Variants in RBM15B observed in about 807,000 individuals in gnomAD.
RBM15B encodes the protein putative RNA-binding protein 15B.
In RBM15B, 11 loss-of-function variants were observed where a neutral mutation model predicts 53.3. That is an observed-to-expected ratio of 0.21 (90% CI 0.13 to 0.34). The LOEUF is 0.34. Among genes scored for constraint, RBM15B ranks in the 10% least tolerant of loss-of-function variants. The pLI, the probability that RBM15B is intolerant of heterozygous loss-of-function variation, is 1.00. For synonymous variants in RBM15B, 631 were observed against 540.7 expected (o/e 1.17, Z -2.32); for missense variants, 1,136 against 1,250.3 (o/e 0.91, Z 1.38).
At position 51,393,750 on chromosome 3, in the gene RBM15B, A is replaced by G. The variant is rs1478831206; in HGVS notation, c.2351A>G (p.Lys784Arg). ...CTTGACGAGGTCACACGACGCATCA[A>G]GCAGGGGAGCCCCAACGGCTATGCG... is the stretch of plus-strand genomic sequence containing the variant. ...PKLDEVTRRI[K>R]QGSPNGYAVL... Residue 784 changes from lysine (K) to arginine (R), a missense_variant, in exon 1 of 1, where the codon AAG becomes AGG. By Grantham distance (26) the Lys-to-Arg change is conservative (BLOSUM62 2). Transcript: ENST00000563281. This position sits in a 1 kb window ranked among gnomAD's most constrained non-coding sequence, Gnocchi z 5.6. The G allele has an allele frequency of 6.2e-7, 1 of 1,613,872 alleles. No homozygotes were observed. The highest frequency in any genetic ancestry group is 1.3e-5 in the African/African-American group (1 of 75,064).
Position 51,395,773 on chromosome 3 carries a change from A to G in RBM15B, c.*1701A>G. On this transcript the variant is annotated 3_prime_UTR_variant, in exon 1 of 1. Transcript: ENST00000563281. ...AGAGGTCATGCTGGTCCACAGGAAC[A>G]CTTGGCAGTGCTCTCGTAGACCCCT... is the stretch of plus-strand genomic sequence containing the variant. The G allele has an allele frequency of 4.8e-6, 2 of 413,572 alleles. No homozygotes were observed. The highest frequency in any genetic ancestry group is 8.8e-6 in the Non-Finnish European group (2 of 226,166). The allele number at this position is 413,572 out of a possible 1,614,324, so 25.6% of individuals were successfully genotyped here.
At position 51,395,267 on chromosome 3, in the gene RBM15B, A is replaced by AATT. The variant is rs1449156133; in HGVS notation, c.*1197_*1199dup. On this transcript the variant is annotated 3_prime_UTR_variant, in exon 1 of 1. Coordinates refer to ENST00000563281, the MANE Select transcript of RBM15B (RefSeq NM_013286.5). Reference sequence around the variant, plus strand: ...GCCGAGGTGGAGACCATTGGGAAATAATTAATAGATATTTTTCTGGGGGGA... The same window carrying AATT: ...GCCGAGGTGGAGACCATTGGGAAATAATTATTAATAGATATTTTTCTGGGGGGA... 1.2e-5 allele frequency: 2 copies of AATT among 166,986 alleles called. No individual in the cohort carries two copies. Among genetic ancestry groups the AATT allele is most frequent in the African/African-American group, 2.4e-5 (1 of 41,392 alleles). The allele number at this position is 166,986 out of a possible 1,614,324, so 10.3% of individuals were successfully genotyped here. A position where few individuals can be genotyped will look rare whatever the true frequency, so the allele number is the denominator to read the frequency against.
In RBM15B at chr3:51,395,618, T is replaced by A. The variant is rs2089152803; in HGVS notation, c.*1546T>A. The A allele has an allele frequency of 2.2e-5, 9 of 408,376 alleles. No individual in the cohort carries two copies. The highest frequency in any genetic ancestry group is 4.0e-5 in the Non-Finnish European group (9 of 223,548). 25.3% of individuals were successfully genotyped at this position (408,376 alleles called of 1,614,324 possible). A position where few individuals can be genotyped will look rare whatever the true frequency, so the allele number is the denominator to read the frequency against. Reference sequence around the variant, plus strand: ...TCTGGTAAGCGAATGAGCCCCTAGATGATAACCAGGAACTCCAGGTTCTGC... The same window carrying A: ...TCTGGTAAGCGAATGAGCCCCTAGAAGATAACCAGGAACTCCAGGTTCTGC... On this transcript the variant is annotated 3_prime_UTR_variant, in exon 1 of 1. Coordinates refer to ENST00000563281, the MANE Select transcript of RBM15B (RefSeq NM_013286.5).
rs782371024 is a variant in RBM15B at position 51,395,971 on chromosome 3, C to T, written c.*1899C>T. On this transcript the variant is annotated 3_prime_UTR_variant, in exon 1 of 1. Coordinates refer to ENST00000563281, the MANE Select transcript of RBM15B (RefSeq NM_013286.5). Reference sequence around the variant, plus strand: ...CAAGTCAGTTGGGTACAGCAGGACACGCCACCATTCCAGGGTAGCTGGTAC... The same window carrying T: ...CAAGTCAGTTGGGTACAGCAGGACATGCCACCATTCCAGGGTAGCTGGTAC... 15 of 413,298 alleles carry T rather than the reference C, an allele frequency of 3.6e-5. No individual in the cohort carries two copies. Among genetic ancestry groups the T allele is most frequent in the Non-Finnish European group, 6.6e-5 (15 of 226,102 alleles). The allele number at this position is 413,298 out of a possible 1,614,324, so 25.6% of individuals were successfully genotyped here. A position where few individuals can be genotyped will look rare whatever the true frequency, so the allele number is the denominator to read the frequency against.
rs782634024 is a variant in RBM15B at position 51,394,081 on chromosome 3, T to TGTC, written c.*10_*12dup. On this transcript the variant is annotated 3_prime_UTR_variant, in exon 1 of 1. Transcript: ENST00000563281. ...TCAGAGACACTGCCTAGCCCAAGCC[T>TGTC]GTCTTTCCCAGCGTCATGTTTGTGT... 7.1e-7 allele frequency: 1 copy of TGTC among 1,414,684 alleles called. No individual in the cohort carries two copies. The highest frequency in any genetic ancestry group is 1.9e-5 in the South Asian group (1 of 52,112). The allele number at this position is 1,414,684 out of a possible 1,614,324, so 87.6% of individuals were successfully genotyped here. A position where few individuals can be genotyped will look rare whatever the true frequency, so the allele number is the denominator to read the frequency against.
Position 51,395,783 on chromosome 3 carries a change from G to C in RBM15B, c.*1711G>C. The stretch of plus-strand genomic sequence containing the variant: ...CTGGTCCACAGGAACACTTGGCAGT[G>C]CTCTCGTAGACCCCTCGGTGATGTG... On this transcript the variant is annotated 3_prime_UTR_variant, in exon 1 of 1. Coordinates refer to ENST00000563281, the MANE Select transcript of RBM15B (RefSeq NM_013286.5). 4.8e-6 allele frequency: 2 copies of C among 413,574 alleles called. No individual in the cohort carries two copies. The highest frequency in any genetic ancestry group is 2.1e-5 in the African/African-American group (1 of 48,766). 25.6% of individuals were successfully genotyped at this position (413,574 alleles called of 1,614,324 possible). A position where few individuals can be genotyped will look rare whatever the true frequency, so the allele number is the denominator to read the frequency against.
At position 51,394,682 on chromosome 3, in the gene RBM15B, C is replaced by CTGAT. The variant is rs2089113696; in HGVS notation, c.*611_*614dup. The CTGAT allele has an allele frequency of 6.0e-6, 1 of 167,162 alleles. No individual in the cohort carries two copies. Among genetic ancestry groups the CTGAT allele is most frequent in the Non-Finnish European group, 1.5e-5 (1 of 68,168 alleles). 10.4% of individuals were successfully genotyped at this position (167,162 alleles called of 1,614,324 possible). A position where few individuals can be genotyped will look rare whatever the true frequency, so the allele number is the denominator to read the frequency against. ...GCGCAAGGCCTGTGGTCAGCAGCTACTGATGGTTTTTTCTGCCTTAAACCG... is the reference window on the plus strand; with the variant it reads ...GCGCAAGGCCTGTGGTCAGCAGCTACTGATTGATGGTTTTTTCTGCCTTAAACCG... On this transcript the variant is annotated 3_prime_UTR_variant, in exon 1 of 1. Coordinates refer to ENST00000563281, the MANE Select transcript of RBM15B (RefSeq NM_013286.5).
chr3:51,391,828 C>G lies in RBM15B; in HGVS notation c.429C>G (p.Ile143Met). The G allele has an allele frequency of 6.2e-7, 1 of 1,602,006 alleles. No homozygotes were observed. The highest frequency in any genetic ancestry group is 1.3e-5 in the African/African-American group (1 of 74,750). The change falls in exon 1 of 1, where the codon ATC becomes ATG. Residue 143 changes from isoleucine (I) to methionine (M), a missense_variant. Ile to Met is a conservative substitution (Grantham distance 10, BLOSUM62 1). This residue lies in a region of RBM15B where 257 missense variants were observed against 261.1 expected (regional missense o/e 0.98). Transcript: ENST00000563281. This position sits in a 1 kb window ranked among gnomAD's most constrained non-coding sequence, Gnocchi z 4.5. ...CGCCTGAGTACAAGACGTTGCTCAT[C>G]AGCAGCTTGAGCCCCGCGCTGCCCG... The part of the protein sequence containing the change: ...AAAPEYKTLL[I>M]SSLSPALPAE...
In RBM15B at chr3:51,394,553, ACACT is replaced by A. The variant is rs2089109513; in HGVS notation, c.*484_*487del. 1 of 167,130 alleles carries A rather than the reference ACACT, an allele frequency of 6.0e-6. No individual in the cohort carries two copies. The allele number at this position is 167,130 out of a possible 1,614,324, so 10.4% of individuals were successfully genotyped here. The stretch of plus-strand genomic sequence containing the variant: ...TTCAGGCTCAGTCTGGACTCTACTT[ACACT>A]CATTTTTATCTTGGCTGACAGCAGG... On this transcript the variant is annotated 3_prime_UTR_variant, in exon 1 of 1. Coordinates refer to ENST00000563281, the MANE Select transcript of RBM15B (RefSeq NM_013286.5).
Position 51,392,981 on chromosome 3 carries a change from G to T in RBM15B, c.1582G>T (p.Val528Leu), listed in dbSNP as rs782787475. The T allele has an allele frequency of 6.2e-7, 1 of 1,613,694 alleles. No individual in the cohort carries two copies. Among genetic ancestry groups the T allele is most frequent in the African/African-American group, 1.3e-5 (1 of 74,942 alleles). ...GCACCGCAACCTGGACGCCGACCTG[G>T]TGCGGGACAGGACGCCCCCACACCT... ...TRHRNLDADL[V>L]RDRTPPHLLY... Residue 528 changes from valine (V) to leucine (L), a missense_variant, in exon 1 of 1, where the codon GTG (valine) becomes TTG (leucine). This residue lies in a region of RBM15B where 578 missense variants were observed against 581.6 expected (regional missense o/e 0.99). Transcript: ENST00000563281. This position sits in a 1 kb window ranked among gnomAD's most constrained non-coding sequence, Gnocchi z 7.5.
chr3:51,391,349 C>A lies in RBM15B; in HGVS notation c.-51C>A. 8.4e-7 allele frequency: 1 copy of A among 1,186,966 alleles called. No homozygotes were observed. The highest frequency in any genetic ancestry group is 1.0e-6 in the Non-Finnish European group (1 of 960,542). The allele number at this position is 1,186,966 out of a possible 1,614,324, so 73.5% of individuals were successfully genotyped here. ...GCTGCCTCCTCGGCCGCCGCCTCCG[C>A]CGCCGCCGCTGTGAGAAACCTACGG... is the stretch of plus-strand genomic sequence containing the variant. On this transcript the variant is annotated 5_prime_UTR_variant, in exon 1 of 1. Transcript: ENST00000563281. The surrounding 1 kb of genome is among the most constrained non-coding windows in gnomAD (Gnocchi z 4.5).
In RBM15B at chr3:51,391,298, T is replaced by C; in HGVS notation, c.-102T>C. 2.1e-6 allele frequency: 2 copies of C among 975,426 alleles called. No homozygotes were observed. Among genetic ancestry groups the C allele is most frequent in the Non-Finnish European group, 2.6e-6 (2 of 776,536 alleles). 60.4% of individuals were successfully genotyped at this position (975,426 alleles called of 1,614,324 possible). On this transcript the variant is annotated 5_prime_UTR_variant, in exon 1 of 1. Transcript: ENST00000563281. This position sits in a 1 kb window ranked among gnomAD's most constrained non-coding sequence, Gnocchi z 4.5. Reference sequence around the variant, plus strand: ...GCCGCCACCGCCGCGCCGAGTCCTTTTGTCCAAGATGGCGGCGCCGGGGGC... The same window carrying C: ...GCCGCCACCGCCGCGCCGAGTCCTTCTGTCCAAGATGGCGGCGCCGGGGGC...
At position 51,393,462 on chromosome 3, in the gene RBM15B, A is replaced by T. The variant is rs1553621978; in HGVS notation, c.2063A>T (p.His688Leu). ...AAGGCAAGAGACAGCGAGCGCAATC[A>T]CCGGACCACAGAGGCCGAGCCCAAG... ...GKKARDSERN[H>L]RTTEAEPKPL... Residue 688 changes from histidine (H) to leucine (L), a missense_variant, in exon 1 of 1, where the codon CAC becomes CTC. By Grantham distance (99) the His-to-Leu change is moderately conservative. Coordinates refer to ENST00000563281, the MANE Select transcript of RBM15B (RefSeq NM_013286.5). This position sits in a 1 kb window ranked among gnomAD's most constrained non-coding sequence, Gnocchi z 5.6. 6.2e-7 allele frequency: 1 copy of T among 1,613,734 alleles called. No individual in the cohort carries two copies.
chr3:51,394,425 T>A lies in RBM15B; in HGVS notation c.*353T>A. On this transcript the variant is annotated 3_prime_UTR_variant, in exon 1 of 1. Coordinates refer to ENST00000563281, the MANE Select transcript of RBM15B (RefSeq NM_013286.5). ...CTGTTCAGAGTCCTGGTTTAATCAATCAAGCTAAAAGAATCGAAGACATCC... is the reference window on the plus strand; with the variant it reads ...CTGTTCAGAGTCCTGGTTTAATCAAACAAGCTAAAAGAATCGAAGACATCC... 1 of 194,890 alleles carries A rather than the reference T, an allele frequency of 5.1e-6. No individual in the cohort carries two copies. Among genetic ancestry groups the A allele is most frequent in the East Asian group, 1.4e-4 (1 of 7,112 alleles). 12.1% of individuals were successfully genotyped at this position (194,890 alleles called of 1,614,324 possible).
chr3:51,393,509 G>A lies in RBM15B; in HGVS notation c.2110G>A (p.Glu704Lys). The A allele has an allele frequency of 1.2e-6, 2 of 1,614,132 alleles. No individual in the cohort carries two copies. Among genetic ancestry groups the A allele is most frequent in the Non-Finnish European group, 1.7e-6 (2 of 1,180,016 alleles). Reference protein sequence around the residue: ...EPKPLEEPKHETKKLKNLSEY... With the variant: ...EPKPLEEPKHKTKKLKNLSEY... The stretch of plus-strand genomic sequence containing the variant: ...CAAGCCTCTGGAAGAGCCAAAACAC[G>A]AGACCAAAAAGCTGAAGAATCTTTC... Residue 704 changes from glutamate (E) to lysine (K), a missense_variant, in exon 1 of 1, where the codon GAG becomes AAG. Glu to Lys is a moderately conservative substitution (Grantham distance 56, BLOSUM62 1). Around this residue, in one of 7 missense-constraint regions of RBM15B, gnomAD observed 578 missense variants for 581.6 expected, o/e 0.99. Transcript: ENST00000563281. The surrounding 1 kb of genome is among the most constrained non-coding windows in gnomAD (Gnocchi z 5.6).
Position 51,392,462 on chromosome 3 carries a change from A to G in RBM15B, c.1063A>G (p.Arg355Gly). The G allele has an allele frequency of 1.2e-6, 2 of 1,614,012 alleles. No individual in the cohort carries two copies. Among genetic ancestry groups the G allele is most frequent in the Non-Finnish European group, 1.7e-6 (2 of 1,180,040 alleles). The change falls in exon 1 of 1, where the codon AGG (arginine) becomes GGG (glycine). Residue 355 changes from arginine to glycine, a missense_variant. This residue lies in a region of RBM15B where 40 missense variants were observed against 74.2 expected (regional missense o/e 0.54). Coordinates refer to ENST00000563281, the MANE Select transcript of RBM15B (RefSeq NM_013286.5). This position sits in a 1 kb window ranked among gnomAD's most constrained non-coding sequence, Gnocchi z 7.5. ...DHSVSEVELR[R>G]AFEKYGIIEE... ...CAGCGTATCTGAGGTGGAGCTGCGA[A>G]GGGCCTTCGAGAAATATGGCATCAT... is the stretch of plus-strand genomic sequence containing the variant.
rs782284413 is a variant in RBM15B at position 51,393,386 on chromosome 3, C to A, written c.1987C>A (p.Arg663=). 29 of 1,613,310 alleles carry A rather than the reference C, an allele frequency of 1.8e-5. No homozygotes were observed. Among genetic ancestry groups the A allele is most frequent in the South Asian group, 1.3e-4 (12 of 91,074 alleles). Residue 663 remains arginine (R), a synonymous_variant, in exon 1 of 1, where the codon CGG becomes AGG. Coordinates refer to ENST00000563281, the MANE Select transcript of RBM15B (RefSeq NM_013286.5). This position sits in a 1 kb window ranked among gnomAD's most constrained non-coding sequence, Gnocchi z 5.6. The stretch of plus-strand genomic sequence containing the variant: ...CAACAGCAGACATGGGGCTGAGGAA[C>A]GGGGCCACCACCACCACCACCACGA... ...LSNSRHGAEE[R]GHHHHHHEAA... is the part of the protein sequence containing the mutation.
chr3:51,392,259 C>G lies in RBM15B; in HGVS notation c.860C>G (p.Ala287Gly). Residue 287 changes from alanine (A) to glycine (G), a missense_variant, in exon 1 of 1, where the codon GCC (alanine) becomes GGC (glycine). Ala to Gly is a moderately conservative substitution (Grantham distance 60, BLOSUM62 0). Transcript: ENST00000563281. The surrounding 1 kb of genome is among the most constrained non-coding windows in gnomAD (Gnocchi z 7.5). ...PRARHAAAAFALDAAAAAAVG... is the reference protein window; with the variant it reads ...PRARHAAAAFGLDAAAAAAVG... ...GCCCGTCACGCCGCCGCAGCCTTCG[C>G]CCTGGATGCCGCTGCTGCCGCCGCC... The G allele has an allele frequency of 6.3e-7, 1 of 1,598,600 alleles. No individual in the cohort carries two copies. Among genetic ancestry groups the G allele is most frequent in the Non-Finnish European group, 8.5e-7 (1 of 1,176,182 alleles).
chr3:51,396,118 C>T lies in RBM15B; in HGVS notation c.*2046C>T, dbSNP rs1248470898. ...CCTTGGTATGTTGTTAAGTCCAAAA[C>T]TTCTTCTCTGGGCTACCTATCTTCC... On this transcript the variant is annotated 3_prime_UTR_variant, in exon 1 of 1. Coordinates refer to ENST00000563281, the MANE Select transcript of RBM15B (RefSeq NM_013286.5). 4 of 407,688 alleles carry T rather than the reference C, an allele frequency of 9.8e-6. No homozygotes were observed. The highest frequency in any genetic ancestry group is 8.2e-5 in the African/African-American group (4 of 48,524). 25.3% of individuals were successfully genotyped at this position (407,688 alleles called of 1,614,324 possible). A position where few individuals can be genotyped will look rare whatever the true frequency, so the allele number is the denominator to read the frequency against.
Sources: allele counts gnomAD v4.1 joint callset, GRCh38; gene constraint gnomAD v4.1.1; regional missense constraint gnomAD v4.1.1; non-coding constraint Gnocchi (gnomAD v3.1); transcripts MANE v1.5; gene names NCBI Gene and HGNC (gene_info 2026-07-23, HGNC 2026-07-21).